ANKUB1: variants seen among roughly 807,000 people sequenced by gnomAD.
ANKUB1 encodes ankyrin repeat and ubiquitin domain containing 1.
Under a neutral mutation model 49.3 loss-of-function variants are expected in ANKUB1, and 42 were observed. The ratio of observed to expected loss-of-function variants is 0.85; its 90% confidence interval spans 0.67 to 1.10. ANKUB1 has a LOEUF of 1.10. ANKUB1 is among the 50% of genes least tolerant of loss of function. The pLI is 0.00. For missense variants in ANKUB1, 613 were observed against 642.0 expected (o/e 0.95, Z 0.49); for synonymous variants, 222 against 231.0 (o/e 0.96, Z 0.35).
chr3:149,787,049 A>G lies in ANKUB1; in HGVS notation c.234+3732T>C, dbSNP rs561449255. Among the ~76,000 whole-genome samples, 6 of 152,264 alleles carry G rather than the reference A, an allele frequency of 3.9e-5. No homozygotes were observed. In the South Asian group the frequency reaches 1.0e-3, roughly 26 times the overall value. ...TCTTTTGGCTTAGGATCATCTTGGC[A>G]ATGCGGGCTCTTTTTTGGTTCCATA... On this transcript the variant is annotated intron_variant, in intron 2 of 5. Transcript: ENST00000446160.
At chr3:149,786,484 A>G (rs1341862238) in intron 2 of ANKUB1, among the ~76,000 whole-genome samples, 7 of 152,068 alleles carry the variant, frequency 4.6e-5, no homozygotes, top group Non-Finnish European at 8.8e-5. Context: ...GATATTAGCC[A>G]TTTGTCAGAT....
Position 149,786,193 on chromosome 3 carries a change from G to A in ANKUB1, c.234+4588C>T, listed in dbSNP as rs181001792. ...TGGGACTACAGGCACCCGCCAACGC[G>A]CCCGGCTAATTTTTTGTACTTTTAG... On this transcript the variant is annotated intron_variant, in intron 2 of 5. Transcript: ENST00000446160. Among the ~76,000 whole-genome samples, 340 of 152,174 alleles carry A rather than the reference G, an allele frequency of 2.2e-3. 5 individuals are homozygous for A. The highest frequency in any genetic ancestry group is 7.9e-4 in the Non-Finnish European group (54 of 68,008).
chr3:149,783,253 CTCTG>C (rs1717946616), intron 2 of ANKUB1: 1 of 152,176 alleles, frequency 6.6e-6, no homozygotes, highest in Admixed American at 6.5e-5. Context: ...ATCTCTACCT[CTCTG>C]TCTATATGAT....
At position 149,792,448 on chromosome 3, in the gene ANKUB1, T is replaced by A; in HGVS notation, c.-82A>T. On this transcript the variant is annotated 5_prime_UTR_variant, in exon 1 of 6. Transcript: ENST00000446160. ...TGGCTAGAAAAATTCCGGTTCACAA[T>A]TAAGGACAAAAATGATAGCCAGAGG... 1.8e-6 allele frequency: 2 copies of A among 1,135,700 alleles called. No individual in the cohort carries two copies. Among genetic ancestry groups the A allele is most frequent in the Admixed American group, 3.2e-5 (1 of 31,084 alleles). 70.4% of individuals were successfully genotyped at this position (1,135,700 alleles called of 1,614,324 possible).
intron 5 of ANKUB1, 43 bp downstream of exon 5, chr3:149,767,114 T>C: frequency 6.9e-7 from 1 of 1,451,366 alleles, no homozygotes; most frequent in South Asian, 1.4e-5. Flanking sequence ...GGACCTGCCT[T>C]ATAAAAGCTT....
At chr3:149,772,729 A>T (rs1019130816) in intron 3 of ANKUB1, among the ~76,000 whole-genome samples, 2 of 152,148 alleles carry the variant, frequency 1.3e-5, no homozygotes, top group East Asian at 3.9e-4. Context: ...CCTGCTTTCC[A>T]CAGTGGTCCC....
chr3:149,780,026 G>C, intron 3 of ANKUB1: 1 of 565,220 alleles, frequency 1.8e-6, no homozygotes, highest in East Asian at 2.9e-5. Context: ...GTAAGGCCAG[G>C]AGAGGGAGGG....
rs1464250602 is a variant in ANKUB1 at position 149,767,715 on chromosome 3, A to C, written c.947T>G (p.Ile316Arg). Residue 316 changes from isoleucine (I) to arginine (R), a missense_variant, in exon 5 of 6, where the codon ATA (isoleucine) becomes AGA (arginine). Transcript: ENST00000446160. ...CTGAGCTCTGAGGATCCATTGTTTTATTTTAATATAAATCCTCATTGGGAC... is the reference window on the plus strand; with the variant it reads ...CTGAGCTCTGAGGATCCATTGTTTTCTTTTAATATAAATCCTCATTGGGAC... ...ISVPMRIYIK[I>R]KQWILRAQSH... is the part of the protein sequence containing the mutation. 3 of 1,551,472 alleles carry C rather than the reference A, an allele frequency of 1.9e-6. No homozygotes were observed. Among genetic ancestry groups the C allele is most frequent in the African/African-American group, 2.7e-5 (2 of 73,018 alleles).
Position 149,767,224 on chromosome 3 carries a change from A to G in ANKUB1, c.1438T>C (p.Ser480Pro). Residue 480 changes from serine (S) to proline (P), a missense_variant, in exon 5 of 6, where the codon TCA becomes CCA. Ser to Pro is a moderately conservative substitution (Grantham distance 74, BLOSUM62 -1). Coordinates refer to ENST00000446160, the MANE Select transcript of ANKUB1 (RefSeq NM_001144960.3). ...SADFLLKSSF[S>P]SFLEHSGKTP... The stretch of plus-strand genomic sequence containing the variant: ...TTCCCACTGTGCTCTAAGAAAGATG[A>G]GAAGGAGGACTTCAGTAAAAAGTCA... 3 of 1,550,626 alleles carry G rather than the reference A, an allele frequency of 1.9e-6. No individual in the cohort carries two copies. The highest frequency in any genetic ancestry group is 2.6e-6 in the Non-Finnish European group (3 of 1,146,752).
Position 149,768,079 on chromosome 3 carries a change from C to T in ANKUB1, c.583G>A (p.Ala195Thr). 1 of 1,391,970 alleles carries T rather than the reference C, an allele frequency of 7.2e-7. No homozygotes were observed. Among genetic ancestry groups the T allele is most frequent in the Non-Finnish European group, 9.4e-7 (1 of 1,064,500 alleles). 86.2% of individuals were successfully genotyped at this position (1,391,970 alleles called of 1,614,324 possible). The change falls in exon 5 of 6, where the codon GCC becomes ACC. Residue 195 changes from alanine (A) to threonine (T), a missense_variant. Coordinates refer to ENST00000446160, the MANE Select transcript of ANKUB1 (RefSeq NM_001144960.3). ...CCACAAAAAGCAGCAATGTACAGGG[C>T]TACCCTTTTCTGATACCTAAATGAG... ...GPVLKYQKRV[A>T]LYIAAFCGYI...
At chr3:149,791,378 C>G (rs183536426) in intron 1 of ANKUB1, among the ~76,000 whole-genome samples, 1 of 152,164 alleles carries the variant, frequency 6.6e-6, no homozygotes, top group Admixed American at 6.5e-5. Flanking sequence ...CCACATGTCA[C>G]TATATCATAC....
At chr3:149,787,965 A>C (rs1290230327) in intron 2 of ANKUB1, among the ~76,000 whole-genome samples, 1 of 152,224 alleles carries the variant, frequency 6.6e-6, no homozygotes, top group Non-Finnish European at 1.5e-5. Context: ...TTTTGGGTTC[A>C]CATTATGATA....
chr3:149,763,875 C>T, intron 5 of ANKUB1: 1 of 456,118 alleles, frequency 2.2e-6, no homozygotes, highest in South Asian at 1.5e-5. Flanking sequence ...TTGGAGTCAA[C>T]CCTGAGAGGT....
At chr3:149,788,928 C>T (rs553582860) in intron 2 of ANKUB1, among the ~76,000 whole-genome samples, 1 of 151,890 alleles carries the variant, frequency 6.6e-6, no homozygotes, top group South Asian at 2.1e-4. Flanking sequence ...GGTGTGCCCA[C>T]CACACCCAGC....
intron 2 of ANKUB1, among the ~76,000 whole-genome samples, chr3:149,785,589 C>G (rs141901068): frequency 6.6e-6 from 1 of 152,148 alleles, no homozygotes; most frequent in Non-Finnish European, 1.5e-5. Context: ...AGGACATGAA[C>G]TCATCCTTTT....
intron 2 of ANKUB1, among the ~76,000 whole-genome samples, chr3:149,789,142 C>G (rs1239141847): frequency 6.6e-6 from 1 of 151,904 alleles, no homozygotes; most frequent in Non-Finnish European, 1.5e-5. Flanking sequence ...ACTACCTAGT[C>G]AAAAATAAAT....
chr3:149,767,289 C>T lies in ANKUB1; in HGVS notation c.1373G>A (p.Gly458Glu). Residue 458 changes from glycine to glutamate, a missense_variant, in exon 5 of 6, where the codon GGA becomes GAA. Transcript: ENST00000446160. ...QVPLPPVSRV[G>E]YSHPSFFYAT... The stretch of plus-strand genomic sequence containing the variant: ...ATAGAAAAACGATGGATGTGAATAT[C>T]CCACTCTTGAAACTGGAGGGAGGGG... 6.4e-7 allele frequency: 1 copy of T among 1,551,604 alleles called. No individual in the cohort carries two copies. The highest frequency in any genetic ancestry group is 8.7e-7 in the Non-Finnish European group (1 of 1,146,982).
intron 2 of ANKUB1, among the ~76,000 whole-genome samples, chr3:149,787,089 G>T (rs1293402740): frequency 1.3e-5 from 2 of 152,156 alleles, no homozygotes; most frequent in Non-Finnish European, 2.9e-5. Flanking sequence ...CTTTAAACTA[G>T]TTTTTTCCAA....
At position 149,792,392 on chromosome 3, in the gene ANKUB1, A is replaced by C; in HGVS notation, c.-26T>G. 1.4e-6 allele frequency: 2 copies of C among 1,450,542 alleles called. No individual in the cohort carries two copies. The highest frequency in any genetic ancestry group is 2.8e-5 in the South Asian group (2 of 71,626). The allele number at this position is 1,450,542 out of a possible 1,614,324, so 89.9% of individuals were successfully genotyped here. ...TGTACAATTACCTTTTCAAACAAAA[A>C]ATATCCAACTTTTTCAAAGATTCTC... On this transcript the variant is annotated 5_prime_UTR_variant, in exon 1 of 6. The change creates a new upstream start codon in the 5' untranslated region. Coordinates refer to ENST00000446160, the MANE Select transcript of ANKUB1 (RefSeq NM_001144960.3).
Sources: gnomAD v4.1 joint callset for allele counts (sites outside exome capture counted in the v4.1 genomes callset) on GRCh38, gnomAD v4.1.1 for gene constraint, MANE v1.5 for transcripts, NCBI Gene and HGNC (gene_info 2026-07-23, HGNC 2026-07-21) for gene names.